The following ACAD9 variants were observed in gnomAD, a reference collection of about 807,000 sequenced individuals.
ACAD9 encodes the protein complex I assembly factor ACAD9, mitochondrial.
A neutral mutation model predicts 70.2 loss-of-function variants in ACAD9; 53 were observed. The ratio of observed to expected loss-of-function variants is 0.75; its 90% confidence interval spans 0.61 to 0.95. The LOEUF is 0.95. ACAD9 is among the 40% of genes least tolerant of loss of function. The pLI is 0.00. For synonymous variants in ACAD9, 313 were observed against 312.1 expected (o/e 1.00, Z -0.03); for missense variants, 777 against 802.8 (o/e 0.97, Z 0.39).
At position 128,893,626 on chromosome 3, in the gene ACAD9, C is replaced by CT; in HGVS notation, c.321dup (p.Gly108TrpfsTer52). ...TTTGGAGAAATTGAAGAGCCTAGGG[C>CT]TTTTTGGGCTGCAAGTCCCAGAAGA... On this transcript the variant is annotated frameshift_variant, in exon 3 of 18. Transcript: ENST00000308982. LOFTEE classifies it high-confidence loss of function. The CT allele has an allele frequency of 1.2e-6, 2 of 1,614,140 alleles. No individual in the cohort carries two copies. Among genetic ancestry groups the CT allele is most frequent in the Non-Finnish European group, 1.7e-6 (2 of 1,180,000 alleles).
chr3:128,899,026 G>A (rs1461582068), intron 6 of ACAD9, among the ~76,000 whole-genome samples: 1 of 152,200 alleles, frequency 6.6e-6, no homozygotes, highest in Non-Finnish European at 1.5e-5. Context: ...AGCCTGAGCT[G>A]TCTGACAACT....
At chr3:128,882,037 G>T (rs1379831236) in intron 1 of ACAD9, among the ~76,000 whole-genome samples, 1 of 152,052 alleles carries the variant, frequency 6.6e-6, no homozygotes, top group Non-Finnish European at 1.5e-5. Context: ...TTTCAGAGTT[G>T]GGGGCTTTCT....
chr3:128,900,892 C>T (rs6809152), intron 7 of ACAD9, among the ~76,000 whole-genome samples: 21,740 of 152,114 alleles, frequency 0.14, 1,616 homozygotes, highest in Middle Eastern at 0.16. Context: ...TGTTCTTTCC[C>T]TCACTTTGCT....
Position 128,908,954 on chromosome 3 carries a change from G to A in ACAD9, c.1359-19G>A, listed in dbSNP as rs1936009909. 3.1e-6 allele frequency: 5 copies of A among 1,614,038 alleles called. No individual in the cohort carries two copies. In the African/African-American group the frequency reaches 5.3e-5, roughly 17 times the overall value. ...CCAGCAGCGAGGCCTCCAGTCACAG[G>A]ACCATGGACTTTCTGCAGTGAGCTT... On this transcript the variant is annotated intron_variant, in intron 13 of 17. Coordinates refer to ENST00000308982, the MANE Select transcript of ACAD9 (RefSeq NM_014049.5).
Position 128,906,255 on chromosome 3 carries a change from T to A in ACAD9, c.1278+6T>A, listed in dbSNP as rs759358857. On this transcript the variant is annotated splice_donor_region_variant and intron_variant, in intron 12 of 17. Coordinates refer to ENST00000308982, the MANE Select transcript of ACAD9 (RefSeq NM_014049.5). ...GCATCCTCCTCATCTTCGAGGTGAG[T>A]GGCCCCGCCACCAGCTAAGCTGTGC... 1.2e-6 allele frequency: 2 copies of A among 1,611,154 alleles called. No individual in the cohort carries two copies. The highest frequency in any genetic ancestry group is 1.7e-6 in the Non-Finnish European group (2 of 1,178,616).
intron 11 of ACAD9, among the ~76,000 whole-genome samples, chr3:128,905,915 A>G (rs1935873860): frequency 6.6e-6 from 1 of 152,146 alleles, no homozygotes; most frequent in South Asian, 2.1e-4. Flanking sequence ...AGGCAGGCCC[A>G]GAGGTACAGA....
At chr3:128,906,900 C>T (rs1258862082) in intron 12 of ACAD9, among the ~76,000 whole-genome samples, 2 of 152,198 alleles carry the variant, frequency 1.3e-5, no homozygotes, top group African/African-American at 4.8e-5. Flanking sequence ...AGCCACAAAA[C>T]GTCTTTAAGC....
intron 11 of ACAD9, among the ~76,000 whole-genome samples, chr3:128,904,911 G>A (rs929237363): frequency 1.3e-5 from 2 of 152,126 alleles, no homozygotes; most frequent in Non-Finnish European, 2.9e-5. Context: ...TTGGGGGGCC[G>A]AGGTGGATGG....
rs1936037165 is a variant in ACAD9, at chr3:128,909,343, G to A, written c.1486-1G>A. ...GAACTGAGTCCTGTCTTGGTTAATA[G>A]GACAGTGCCAACAAGTTTGAGGAGA... On this transcript the variant is annotated splice_acceptor_variant, in intron 14 of 17. Coordinates refer to ENST00000308982, the MANE Select transcript of ACAD9 (RefSeq NM_014049.5). LOFTEE classifies it high-confidence loss of function. 6.2e-7 allele frequency: 1 copy of A among 1,614,180 alleles called. No homozygotes were observed.
intron 11 of ACAD9, among the ~76,000 whole-genome samples, chr3:128,905,583 G>T (rs1295525205): frequency 6.6e-6 from 1 of 152,204 alleles, no homozygotes; most frequent in Non-Finnish European, 1.5e-5. Flanking sequence ...CAAAAAGGCT[G>T]GGCATCTTGG....
intron 2 of ACAD9, among the ~76,000 whole-genome samples, chr3:128,892,986 A>G (rs1434307542): frequency 2.6e-5 from 4 of 152,176 alleles, no homozygotes; most frequent in South Asian, 2.1e-4. Context: ...TTACACAGCA[A>G]AAGCACCCCT....
chr3:128,908,103 G>T (rs1046239965), intron 12 of ACAD9, 82 bp from the exon 13 acceptor site: 20 of 1,340,128 alleles, frequency 1.5e-5, no homozygotes, highest in Admixed American at 6.7e-5. Flanking sequence ...GCAGGCAGTG[G>T]CCGGCTCTAC....
chr3:128,910,586 A>G (rs531016956), intron 16 of ACAD9, among the ~76,000 whole-genome samples, 155 bp from the exon 17 acceptor site: 1 of 152,352 alleles, frequency 6.6e-6, no homozygotes, highest in South Asian at 2.1e-4. Flanking sequence ...CTGTTGGATC[A>G]GGGCTGGAAT....
At chr3:128,904,263 G>A (rs901262163) in intron 10 of ACAD9, 123 bp from the exon 11 acceptor site, 102 of 1,586,344 alleles carry the variant, frequency 6.4e-5, no homozygotes, top group African/African-American at 8.1e-5. Flanking sequence ...TATTTGACAC[G>A]GGTCACTGGG....
At chr3:128,896,963 C>T (rs926115986) in intron 5 of ACAD9, among the ~76,000 whole-genome samples, 1 of 152,128 alleles carries the variant, frequency 6.6e-6, no homozygotes, top group African/African-American at 2.4e-5. Context: ...AGTCCATCAC[C>T]TGGACCATCC....
At chr3:128,888,885 A>T (rs1361534696) in intron 2 of ACAD9, among the ~76,000 whole-genome samples, 1 of 133,502 alleles carries the variant, frequency 7.5e-6, no homozygotes, top group Non-Finnish European at 1.6e-5. Flanking sequence ...AACTTTTCCT[A>T]TGTGGTTTGT....
At chr3:128,888,695 GT>G (rs1407678787) in intron 2 of ACAD9, among the ~76,000 whole-genome samples, 1 of 152,064 alleles carries the variant, frequency 6.6e-6, no homozygotes, top group Non-Finnish European at 1.5e-5. Context: ...CTTGGTTTTT[GT>G]TTGTTTCTTA....
At chr3:128,893,184 GAAA>G (rs1051870265) in intron 2 of ACAD9, among the ~76,000 whole-genome samples, 2 of 132,440 alleles carry the variant, frequency 1.5e-5, no homozygotes, top group African/African-American at 2.8e-5. Flanking sequence ...CGTCTCTACT[GAAA>G]AAAAAAAAAA....
At chr3:128,901,646 A>G (rs955965595) in intron 8 of ACAD9, among the ~76,000 whole-genome samples, 1 of 152,206 alleles carries the variant, frequency 6.6e-6, no homozygotes, top group Non-Finnish European at 1.5e-5. Context: ...GCTCTGGTGA[A>G]TCTCAAGCTC....
Sources: gnomAD v4.1 joint callset for allele counts (sites outside exome capture counted in the v4.1 genomes callset) on GRCh38, gnomAD v4.1.1 for gene constraint, MANE v1.5 for transcripts, NCBI Gene and HGNC (gene_info 2026-07-23, HGNC 2026-07-21) for gene names.